NKAIN2: variants seen among roughly 807,000 people sequenced by gnomAD.
The protein encoded by NKAIN2 is sodium/potassium transporting ATPase interacting 2, also known as sodium/potassium-transporting ATPase subunit beta-1-interacting protein 2.
Under a neutral mutation model 32.6 loss-of-function variants are expected in NKAIN2, and 14 were observed. The observed-to-expected ratio is 0.43, with a 90% CI of 0.28 to 0.67. The LOEUF is 0.67. Among genes scored for constraint, NKAIN2 ranks in the 30% least tolerant of loss-of-function variants. The probability of loss-of-function intolerance (pLI) is 0.17; values close to 1 mark genes in which losing one functional copy is unlikely to be tolerated. For synonymous variants in NKAIN2, 80 were observed against 87.2 expected (o/e 0.92, Z 0.46); for missense variants, 198 against 258.3 (o/e 0.77, Z 1.60).
intron 1 of NKAIN2, among the ~76,000 whole-genome samples, chr6:123,945,629 A>G (rs935831634): frequency 2.0e-5 from 3 of 152,050 alleles, no homozygotes; most frequent in Non-Finnish European, 4.4e-5. Context: ...GTCACTTGGC[A>G]TGTCCTGCTT....
chr6:124,595,250 AT>A (rs1562275139), intron 3 of NKAIN2, among the ~76,000 whole-genome samples: 1 of 152,102 alleles, frequency 6.6e-6, no homozygotes, highest in Non-Finnish European at 1.5e-5. Context: ...CTAGATGCTG[AT>A]CTCTGCACTT....
At chr6:124,524,969 A>C (rs1407291441) in intron 3 of NKAIN2, among the ~76,000 whole-genome samples, 2 of 152,186 alleles carry the variant, frequency 1.3e-5, no homozygotes, top group African/African-American at 2.4e-5. Flanking sequence ...ACAGCCAGGG[A>C]AGATTCCTCA....
chr6:124,096,731 G>A (rs552581571), intron 1 of NKAIN2, among the ~76,000 whole-genome samples: 1 of 151,966 alleles, frequency 6.6e-6, no homozygotes, highest in East Asian at 2.0e-4. Context: ...GGTGGCGGAT[G>A]CCTGTAGTCC....
intron 1 of NKAIN2, among the ~76,000 whole-genome samples, chr6:124,201,078 A>G (rs1790566698): frequency 6.6e-6 from 1 of 152,088 alleles, no homozygotes; most frequent in Admixed American, 6.6e-5. Flanking sequence ...TTATACTTCC[A>G]TATCTAATGT....
At chr6:124,080,375 G>C (rs1237184442) in intron 1 of NKAIN2, among the ~76,000 whole-genome samples, 3 of 152,190 alleles carry the variant, frequency 2.0e-5, no homozygotes, top group Middle Eastern at 3.4e-3. Flanking sequence ...CTCAATATAC[G>C]TGAGTTACAG....
chr6:124,321,234 C>G (rs954010843), intron 2 of NKAIN2, among the ~76,000 whole-genome samples: 10 of 152,070 alleles, frequency 6.6e-5, no homozygotes, highest in African/African-American at 1.9e-4. Context: ...TATTCTTTCC[C>G]TAAGAAACTC....
intron 1 of NKAIN2, among the ~76,000 whole-genome samples, chr6:124,191,567 C>A (rs181686124): frequency 2.0e-5 from 3 of 152,104 alleles, no homozygotes; most frequent in Admixed American, 6.6e-5. Context: ...TGTATGTCTT[C>A]CTTTCCAGTA....
At chr6:123,822,092 TTAATTTTA>T (rs373079503) in intron 1 of NKAIN2, among the ~76,000 whole-genome samples, 41,922 of 151,950 alleles carry the variant, frequency 0.28, 8,268 homozygotes, top group East Asian at 0.56. Context: ...TTAGGAAGTA[TTAATTTTA>T]GGAAGTATTA....
chr6:124,323,270 G>A (rs936952582), intron 2 of NKAIN2, among the ~76,000 whole-genome samples: 3 of 152,098 alleles, frequency 2.0e-5, no homozygotes, highest in East Asian at 1.9e-4. Flanking sequence ...AAAAGTAATC[G>A]ATTTTGATTA....
chr6:124,305,966 A>G (rs557521387), intron 2 of NKAIN2, among the ~76,000 whole-genome samples: 32 of 151,178 alleles, frequency 2.1e-4, no homozygotes, highest in African/African-American at 7.8e-4. Context: ...TTTATATTTA[A>G]TTTCTCCCAA....
rs117051100 is a variant in NKAIN2 at position 123,901,616 on chromosome 6, C to T, written c.54+97362C>T. On this transcript the variant is annotated intron_variant, in intron 1 of 6. Transcript: ENST00000368417. Reference sequence around the variant, plus strand: ...AAATTTATGGTAGACATTTCCCTTCCGGCTCCCTCTGCATATCAGTCATTT... The same window carrying T: ...AAATTTATGGTAGACATTTCCCTTCTGGCTCCCTCTGCATATCAGTCATTT... 9.1e-3 allele frequency among the ~76,000 whole-genome samples: 1,386 copies of T among 152,156 alleles called. 12 individuals are homozygous for T. Among genetic ancestry groups the T allele is most frequent in the South Asian group, 0.038 (185 of 4,812 alleles).
At chr6:124,268,088 T>C (rs1289015119) in intron 1 of NKAIN2, among the ~76,000 whole-genome samples, 1 of 152,204 alleles carries the variant, frequency 6.6e-6, no homozygotes, top group African/African-American at 2.4e-5. Context: ...AATTAAATCA[T>C]GTAATAACAA....
chr6:123,813,552 C>A (rs1773566657), intron 1 of NKAIN2, among the ~76,000 whole-genome samples: 1 of 152,148 alleles, frequency 6.6e-6, no homozygotes, highest in Non-Finnish European at 1.5e-5. Flanking sequence ...TGGCTCATGC[C>A]TGTAATACCA....
rs925725299 is a variant in NKAIN2, at chr6:124,399,011, C to G, written c.273+43664C>G. The stretch of plus-strand genomic sequence containing the variant: ...GTGTGATATTGGCTTATTGCAACCT[C>G]TGCCTCTCAGGTTCAAGTGATTCTC... On this transcript the variant is annotated intron_variant, in intron 3 of 6. Transcript: ENST00000368417. Among the ~76,000 whole-genome samples the G allele has an allele frequency of 3.9e-5, 6 of 152,242 alleles. No individual in the cohort carries two copies. The East Asian group carries it at 1.2e-3, about 30-fold the overall frequency.
Position 124,707,039 on chromosome 6 carries a change from G to A in NKAIN2, c.474+48653G>A, listed in dbSNP as rs548678165. ...CAAAGTGTGATACTCCCCTTCCTGT[G>A]TCCATGTGATCTCATTGTTCAATTC... is the stretch of plus-strand genomic sequence containing the variant. On this transcript the variant is annotated intron_variant, in intron 4 of 6. Transcript: ENST00000368417. Among the ~76,000 whole-genome samples, 626 of 131,754 alleles carry A rather than the reference G, an allele frequency of 4.8e-3. 9 individuals carry two copies. The highest frequency in any genetic ancestry group is 0.017 in the African/African-American group (584 of 33,776). 86.4% of individuals were successfully genotyped at this position (131,754 alleles called of 152,430 possible).
chr6:124,439,533 T>G (rs1775603249), intron 3 of NKAIN2, among the ~76,000 whole-genome samples: 2 of 151,972 alleles, frequency 1.3e-5, no homozygotes, highest in Non-Finnish European at 2.9e-5. Flanking sequence ...TTTCCCACTA[T>G]CCTTAGGGTC....
At chr6:124,151,053 C>G (rs984115592) in intron 1 of NKAIN2, among the ~76,000 whole-genome samples, 3 of 151,872 alleles carry the variant, frequency 2.0e-5, no homozygotes, top group African/African-American at 7.3e-5. Context: ...GAAATAAACC[C>G]TTTGTCATGT....
Position 124,271,680 on chromosome 6 carries a change from G to C in NKAIN2, c.55-11325G>C, listed in dbSNP as rs2208344. ...AGACAGAGGTTGGAACAGTTTAGAG[G>C]TCTTGTAAGAAGACAGGAAGATGTG... On this transcript the variant is annotated intron_variant, in intron 1 of 6. Transcript: ENST00000368417. Among the ~76,000 whole-genome samples, 223 of 152,290 alleles carry C rather than the reference G, an allele frequency of 1.5e-3. 2 individuals carry two copies. The highest frequency in any genetic ancestry group is 4.8e-3 in the African/African-American group (199 of 41,572).
rs141040762 is a variant in NKAIN2 at position 124,335,205 on chromosome 6, A to T, written c.193-20062A>T. On this transcript the variant is annotated intron_variant, in intron 2 of 6. Transcript: ENST00000368417. The stretch of plus-strand genomic sequence containing the variant: ...CAAATTGGGAAGTTGTATTGTAGCA[A>T]TTTAAAATGTTTAGAAAAATGTTAT... Among the ~76,000 whole-genome samples the T allele has an allele frequency of 1.4e-3, 218 of 152,338 alleles. 1 individual carries two copies. The highest frequency in any genetic ancestry group is 4.9e-3 in the African/African-American group (204 of 41,578).
Sources: gnomAD v4.1 joint callset for allele counts (sites outside exome capture counted in the v4.1 genomes callset) on GRCh38, gnomAD v4.1.1 for gene constraint, MANE v1.5 for transcripts, NCBI Gene and HGNC (gene_info 2026-07-23, HGNC 2026-07-21) for gene names.